The following DOP1B variants were observed in gnomAD, a reference collection of about 807,000 sequenced individuals.
DOP1B encodes DOP1 leucine zipper like protein B.
In DOP1B, 174 loss-of-function variants were observed where a neutral mutation model predicts 233.5. That is an observed-to-expected ratio of 0.75 (90% confidence interval 0.66 to 0.85). The LOEUF (loss-of-function observed/expected upper bound fraction) is 0.85, where lower values mean the gene tolerates loss of function less well. Among genes scored for constraint, DOP1B ranks in the 40% least tolerant of loss-of-function variants. The pLI is 0.00. For missense variants in DOP1B, 2,652 were observed against 2,846.6 expected (o/e 0.93, Z 1.56); for synonymous variants, 1,190 against 1,185.6 (o/e 1.00, Z -0.08).
At chr21:36,266,730 A>C (rs2067234538) in intron 26 of DOP1B, among the ~76,000 whole-genome samples, 1 of 152,174 alleles carries the variant, frequency 6.6e-6, no homozygotes, top group South Asian at 2.1e-4. Flanking sequence ...CCCTTCCTGG[A>C]GGTTGGGGAG....
intron 4 of DOP1B, among the ~76,000 whole-genome samples, chr21:36,206,643 C>A (rs1293842926): frequency 2.6e-5 from 4 of 152,152 alleles, no homozygotes; most frequent in African/African-American, 9.7e-5. Flanking sequence ...AACCCCTCTT[C>A]TGTGGAACAT....
chr21:36,158,492 G>A (rs1406852179), intron 1 of DOP1B, among the ~76,000 whole-genome samples: 1 of 152,132 alleles, frequency 6.6e-6, no homozygotes, highest in Non-Finnish European at 1.5e-5. Flanking sequence ...CCATCTCACA[G>A]GACTCGTGTA....
chr21:36,186,370 G>T (rs1341748596), intron 2 of DOP1B, among the ~76,000 whole-genome samples: 2 of 152,056 alleles, frequency 1.3e-5, no homozygotes, highest in Non-Finnish European at 2.9e-5. Flanking sequence ...TATGCAGTGT[G>T]TATGTGTGGA....
intron 26 of DOP1B, among the ~76,000 whole-genome samples, chr21:36,265,000 C>G (rs2067216125): frequency 1.3e-5 from 2 of 152,148 alleles, no homozygotes; most frequent in Admixed American, 6.5e-5. Flanking sequence ...ACATTTATAG[C>G]CTTGGCGATA....
chr21:36,291,837 A>G (rs1002878482), intron 35 of DOP1B, among the ~76,000 whole-genome samples: 4 of 152,182 alleles, frequency 2.6e-5, no homozygotes, highest in Non-Finnish European at 5.9e-5. Flanking sequence ...ACGATGAGAC[A>G]GAGTGTGGAT....
intron 13 of DOP1B, among the ~76,000 whole-genome samples, chr21:36,229,953 A>T (rs2066739610): frequency 6.6e-6 from 1 of 151,940 alleles, no homozygotes; most frequent in African/African-American, 2.4e-5. Flanking sequence ...ATGAGCCACC[A>T]CACCTGGCCT....
In DOP1B at chr21:36,270,173, T is replaced by A. The variant is rs778046299; in HGVS notation, c.5632+16T>A. ...GACCTGTATGGTAGGTGGAGATGGG[T>A]TGGCTGATAGTGCCTCTGGTCAGCG... On this transcript the variant is annotated intron_variant, in intron 27 of 36. Transcript: ENST00000691173. 5 of 1,612,218 alleles carry A rather than the reference T, an allele frequency of 3.1e-6. No individual in the cohort carries two copies. The highest frequency in any genetic ancestry group is 4.2e-6 in the Non-Finnish European group (5 of 1,179,208).
chr21:36,173,624 C>T (rs1045534405), intron 2 of DOP1B, among the ~76,000 whole-genome samples: 3 of 151,830 alleles, frequency 2.0e-5, no homozygotes, highest in Non-Finnish European at 4.4e-5. Flanking sequence ...GGGGTTTCAC[C>T]GTGTTAGCCA....
chr21:36,254,822 T>C (rs1671479002), intron 23 of DOP1B, among the ~76,000 whole-genome samples: 1 of 152,084 alleles, frequency 6.6e-6, no homozygotes, highest in Non-Finnish European at 1.5e-5. Flanking sequence ...TAGGGATCCA[T>C]GCTAGTGTTG....
intron 2 of DOP1B, among the ~76,000 whole-genome samples, chr21:36,191,101 A>C (rs915660722): frequency 6.6e-6 from 1 of 152,144 alleles, no homozygotes; most frequent in Non-Finnish European, 1.5e-5. Flanking sequence ...TTGGGATCCA[A>C]ATACTTCTTA....
rs1420094946 is a variant in DOP1B at position 36,239,758 on chromosome 21, A to G, written c.2877-7A>G. The G allele has an allele frequency of 2.0e-6, 3 of 1,525,230 alleles. No individual in the cohort carries two copies. The highest frequency in any genetic ancestry group is 1.8e-6 in the Non-Finnish European group (2 of 1,132,598). The allele number at this position is 1,525,230 out of a possible 1,614,324, so 94.5% of individuals were successfully genotyped here. On this transcript the variant is annotated splice_polypyrimidine_tract_variant and splice_region_variant and intron_variant, in intron 17 of 36. Transcript: ENST00000691173. ...GAGTGAACTCACTGGTGTGTTTCCC[A>G]CTGCAGGTCCTTGTTTGTCGTGCTG... is the stretch of plus-strand genomic sequence containing the variant.
In DOP1B at chr21:36,260,695, A is replaced by G. The variant is rs1282360741; in HGVS notation, c.5278A>G (p.Ile1760Val). 2 of 1,614,002 alleles carry G rather than the reference A, an allele frequency of 1.2e-6. No homozygotes were observed. The highest frequency in any genetic ancestry group is 1.3e-5 in the African/African-American group (1 of 74,924). The change falls in exon 24 of 37, where the codon ATT (isoleucine) becomes GTT (valine). Residue 1760 changes from isoleucine to valine, a missense_variant. Ile to Val is a conservative substitution (Grantham distance 29, BLOSUM62 3). Around this residue, in one of 3 missense-constraint regions of DOP1B, gnomAD observed 2,617 missense variants for 2,794.3 expected, o/e 0.94. Transcript: ENST00000691173. ...GGDEKSPLVD[I>V]PVLQFCYAFL... ...TTTTCAGAAATCGCCCCTAGTGGACATTCCTGTGTTGCAGTTTTGCTATGC... is the reference window on the plus strand; with the variant it reads ...TTTTCAGAAATCGCCCCTAGTGGACGTTCCTGTGTTGCAGTTTTGCTATGC...
Position 36,245,910 on chromosome 21 carries a change from G to C in DOP1B, c.3930G>C (p.Leu1310=). 2 of 1,613,760 alleles carry C rather than the reference G, an allele frequency of 1.2e-6. No homozygotes were observed. The highest frequency in any genetic ancestry group is 1.7e-6 in the Non-Finnish European group (2 of 1,180,008). Residue 1310 remains leucine, a synonymous_variant, in exon 19 of 37, where the codon CTG becomes CTC. Coordinates refer to ENST00000691173, the MANE Select transcript of DOP1B (RefSeq NM_001320714.2). This position sits in a 1 kb window ranked among gnomAD's most constrained non-coding sequence, Gnocchi z 5.5. The part of the protein sequence containing the change: ...TQVPNVCPHS[L]LLELLTYLCL... ...TCCCCAACGTGTGCCCCCACTCTCT[G>C]CTCCTGGAGCTGCTCACCTACCTCT...
rs1303716370 is a variant in DOP1B at position 36,173,508 on chromosome 21, G to A, written c.138+8637G>A. Reference sequence around the variant, plus strand: ...CCCGTCTTGGCTCACTGCAAGCTTCGCCTCCTGGGTTCAAGCAATCCTCCT... The same window carrying A: ...CCCGTCTTGGCTCACTGCAAGCTTCACCTCCTGGGTTCAAGCAATCCTCCT... On this transcript the variant is annotated intron_variant, in intron 2 of 36. Coordinates refer to ENST00000691173, the MANE Select transcript of DOP1B (RefSeq NM_001320714.2). Among the ~76,000 whole-genome samples, 9 of 149,926 alleles carry A rather than the reference G, an allele frequency of 6.0e-5. 1 individual carries two copies. In the South Asian group the frequency reaches 8.4e-4, roughly 14 times the overall value.
At chr21:36,290,875 A>T (rs1034796849) in intron 35 of DOP1B, among the ~76,000 whole-genome samples, 3 of 150,942 alleles carry the variant, frequency 2.0e-5, no homozygotes, top group African/African-American at 7.3e-5. Context: ...GAAGCTGAGG[A>T]AGGAGAATCA....
intron 13 of DOP1B, among the ~76,000 whole-genome samples, chr21:36,229,017 A>T (rs2066726937): frequency 6.6e-6 from 1 of 152,102 alleles, no homozygotes. Flanking sequence ...ACCCATTCTC[A>T]TGCTACTTGC....
In DOP1B at chr21:36,245,346, C is replaced by G; in HGVS notation, c.3366C>G (p.Ser1122Arg). 2.5e-6 allele frequency: 4 copies of G among 1,614,102 alleles called. No homozygotes were observed. The highest frequency in any genetic ancestry group is 3.4e-6 in the Non-Finnish European group (4 of 1,180,040). The change falls in exon 19 of 37, where the codon AGC becomes AGG. Residue 1122 changes from serine (S) to arginine (R), a missense_variant. Around this residue, in one of 3 missense-constraint regions of DOP1B, gnomAD observed 2,617 missense variants for 2,794.3 expected, o/e 0.94. Coordinates refer to ENST00000691173, the MANE Select transcript of DOP1B (RefSeq NM_001320714.2). This position sits in a 1 kb window ranked among gnomAD's most constrained non-coding sequence, Gnocchi z 5.5. Reference protein sequence around the residue: ...SADTSSCHTDSENTSSFSSPS... With the variant: ...SADTSSCHTDRENTSSFSSPS... ...ATACAAGCTCCTGCCACACGGACAGCGAGAACACGTCCTCCTTCTCCTCCC... is the reference window on the plus strand; with the variant it reads ...ATACAAGCTCCTGCCACACGGACAGGGAGAACACGTCCTCCTTCTCCTCCC...
intron 8 of DOP1B, 100 bp downstream of exon 8, chr21:36,214,290 G>A: frequency 2.4e-6 from 3 of 1,274,402 alleles, no homozygotes; most frequent in Non-Finnish European, 2.2e-6. Flanking sequence ...ACGTTCCTTG[G>A]CCCCTGGTTT....
In DOP1B at chr21:36,245,902, C is replaced by A; in HGVS notation, c.3922C>A (p.His1308Asn). The A allele has an allele frequency of 1.2e-6, 2 of 1,613,828 alleles. No individual in the cohort carries two copies. Among genetic ancestry groups the A allele is most frequent in the Non-Finnish European group, 1.7e-6 (2 of 1,180,020 alleles). The stretch of plus-strand genomic sequence containing the variant: ...GACCCAGGTCCCCAACGTGTGCCCC[C>A]ACTCTCTGCTCCTGGAGCTGCTCAC... ...LQTQVPNVCP[H>N]SLLLELLTYL... The change falls in exon 19 of 37, where the codon CAC (histidine) becomes AAC (asparagine). Residue 1308 changes from histidine to asparagine, a missense_variant. By Grantham distance (68) the His-to-Asn change is moderately conservative. Around this residue, in one of 3 missense-constraint regions of DOP1B, gnomAD observed 2,617 missense variants for 2,794.3 expected, o/e 0.94. Coordinates refer to ENST00000691173, the MANE Select transcript of DOP1B (RefSeq NM_001320714.2). This position sits in a 1 kb window ranked among gnomAD's most constrained non-coding sequence, Gnocchi z 5.5.
Sources: allele counts gnomAD v4.1 joint callset (sites outside exome capture counted in the v4.1 genomes callset), GRCh38; gene constraint gnomAD v4.1.1; regional missense constraint gnomAD v4.1.1; non-coding constraint Gnocchi (gnomAD v3.1); transcripts MANE v1.5; gene names NCBI Gene and HGNC (gene_info 2026-07-23, HGNC 2026-07-21).